The following SRGAP2C variants were observed in gnomAD, a reference collection of about 807,000 sequenced individuals.
SRGAP2C encodes SLIT-ROBO Rho GTPase-activating protein 2C.
In SRGAP2C, 15 loss-of-function variants were observed where a neutral mutation model predicts 25.1. That is an observed-to-expected ratio of 0.60 (90% CI 0.40 to 0.92). The LOEUF (loss-of-function observed/expected upper bound fraction) is 0.92. Ranked by LOEUF, SRGAP2C falls within the 40% of genes least tolerant of loss-of-function variation. The pLI, the probability that SRGAP2C is intolerant of heterozygous loss-of-function variation, is 0.00. For synonymous variants in SRGAP2C, 44 were observed against 96.6 expected, an observed-to-expected ratio of 0.46 and a Z score of 3.19; for missense variants, 144 against 264.4, an observed-to-expected ratio of 0.54 and a Z score of 3.16.
chr1:121,233,148 T>C (rs1309560932), intron 2 of SRGAP2C, among the ~76,000 whole-genome samples: 11 of 137,190 alleles, frequency 8.0e-5, no homozygotes, highest in African/African-American at 2.5e-4. Flanking sequence ...CTTGGTTCTT[T>C]TTTTTTTTTT....
chr1:121,321,061 A>G (rs1357206934), intron 3 of SRGAP2C, among the ~76,000 whole-genome samples: 2 of 151,226 alleles, frequency 1.3e-5, no homozygotes, highest in Non-Finnish European at 2.9e-5. Flanking sequence ...TATTCTAATT[A>G]ATAGCATATT....
intron 3 of SRGAP2C, among the ~76,000 whole-genome samples, chr1:121,308,897 C>A (rs1553339779): frequency 1.5e-5 from 2 of 132,740 alleles, no homozygotes; most frequent in Non-Finnish European, 3.2e-5. Flanking sequence ...CGAGATCGCA[C>A]CATTGCACTC....
intron 2 of SRGAP2C, among the ~76,000 whole-genome samples, chr1:121,191,887 G>A (rs1477508605): frequency 6.8e-6 from 1 of 146,076 alleles, no homozygotes; most frequent in African/African-American, 2.6e-5. Flanking sequence ...GAACATTAGG[G>A]GTCTTGTCTT....
At chr1:121,297,613 A>G (rs1468713961) in intron 3 of SRGAP2C, among the ~76,000 whole-genome samples, 1 of 151,424 alleles carries the variant, frequency 6.6e-6, no homozygotes, top group Non-Finnish European at 1.5e-5. Context: ...GATAATAATT[A>G]TCAGGAAAAG....
chr1:121,228,651 C>A (rs1281239678), intron 2 of SRGAP2C, among the ~76,000 whole-genome samples: 1 of 151,664 alleles, frequency 6.6e-6, no homozygotes, highest in Non-Finnish European at 1.5e-5. Context: ...CTACTTCATA[C>A]CTTGAACACC....
chr1:121,211,563 TTC>T (rs1655257889), intron 2 of SRGAP2C, among the ~76,000 whole-genome samples: 1 of 150,698 alleles, frequency 6.6e-6, no homozygotes, highest in African/African-American at 2.4e-5. Flanking sequence ...GAAAAAAGGT[TTC>T]TCTGCTTTTG....
At chr1:121,212,933 G>T (rs1457904427) in intron 2 of SRGAP2C, among the ~76,000 whole-genome samples, 1 of 140,924 alleles carries the variant, frequency 7.1e-6, no homozygotes, top group Non-Finnish European at 1.5e-5. Flanking sequence ...TCTGGGGGAA[G>T]TAAGCAGGTA....
At chr1:121,336,041 A>T (rs1416104858) in intron 4 of SRGAP2C, among the ~76,000 whole-genome samples, 3 of 151,438 alleles carry the variant, frequency 2.0e-5, no homozygotes, top group Admixed American at 1.3e-4. Flanking sequence ...CTTAGAAAAT[A>T]CTGTATACTT....
At chr1:121,335,296 G>A in intron 4 of SRGAP2C, among the ~76,000 whole-genome samples, 1 of 145,290 alleles carries the variant, frequency 6.9e-6, no homozygotes, top group Non-Finnish European at 1.5e-5. Context: ...AGCTGAGATT[G>A]TGCCACTGCA....
At chr1:121,331,985 T>A (rs1299849647) in intron 4 of SRGAP2C, among the ~76,000 whole-genome samples, 2 of 145,868 alleles carry the variant, frequency 1.4e-5, no homozygotes, top group African/African-American at 5.1e-5. Flanking sequence ...CTACATTATA[T>A]AACATTTTAA....
chr1:121,225,850 G>T (rs1287533381), intron 2 of SRGAP2C, among the ~76,000 whole-genome samples: 2 of 138,148 alleles, frequency 1.4e-5, no homozygotes, highest in South Asian at 2.4e-4. Context: ...GATTACAGGC[G>T]CCCGCCACCA....
chr1:121,239,250 A>ATATATATATAC (rs1656058501), intron 2 of SRGAP2C, among the ~76,000 whole-genome samples: 1 of 1,984 alleles, frequency 5.0e-4, no homozygotes, highest in Non-Finnish European at 6.9e-4. Flanking sequence ...TATATACTAT[A>ATATATATATAC]TATATATATA....
At position 121,263,425 on chromosome 1, in the gene SRGAP2C, C is replaced by T. The variant is rs1169441671; in HGVS notation, c.68-21378C>T. Among the ~76,000 whole-genome samples, 30 of 91,580 alleles carry T rather than the reference C, an allele frequency of 3.3e-4. 1 individual carries two copies. The highest frequency in any genetic ancestry group is 9.4e-4 in the Admixed American group (8 of 8,544). 60.1% of individuals were successfully genotyped at this position (91,580 alleles called of 152,430 possible). A position where few individuals can be genotyped will look rare whatever the true frequency, so the allele number is the denominator to read the frequency against. On this transcript the variant is annotated intron_variant, in intron 2 of 9. Transcript: ENST00000367123. ...CAGCCTGGGCGACAGAGTGAGACTC[C>T]GTCTCAAAAAAAAAAAAAAAAAAAA... is the stretch of plus-strand genomic sequence containing the variant.
chr1:121,331,696 G>A (rs1658437814), intron 4 of SRGAP2C, among the ~76,000 whole-genome samples: 2 of 142,132 alleles, frequency 1.4e-5, no homozygotes, highest in Admixed American at 1.4e-4. Context: ...ATCAACAGAT[G>A]AGTGGAAAAA....
At chr1:121,282,757 A>G (rs1657278143) in intron 2 of SRGAP2C, among the ~76,000 whole-genome samples, 1 of 143,786 alleles carries the variant, frequency 7.0e-6, no homozygotes, top group African/African-American at 2.6e-5. Flanking sequence ...ACAGGGTTTC[A>G]CCATGTTAGC....
chr1:121,339,346 GGTTCAAGT>G (rs1412822673), intron 4 of SRGAP2C, among the ~76,000 whole-genome samples: 2 of 150,662 alleles, frequency 1.3e-5, no homozygotes, highest in Non-Finnish European at 2.9e-5. Context: ...CCGCCTCCCG[GGTTCAAGT>G]GATTCTCGTG....
intron 4 of SRGAP2C, among the ~76,000 whole-genome samples, chr1:121,325,397 T>TCCCAACTA (rs1658299813): frequency 8.1e-6 from 1 of 123,656 alleles, no homozygotes; most frequent in African/African-American, 3.2e-5. Flanking sequence ...ACTAGCCTCT[T>TCCCAACTA]GAAAATCCAG....
At chr1:121,310,344 G>A (rs1553339915) in intron 3 of SRGAP2C, among the ~76,000 whole-genome samples, 6 of 117,794 alleles carry the variant, frequency 5.1e-5, no homozygotes, top group Non-Finnish European at 8.5e-5. Flanking sequence ...AGATGAGTAG[G>A]TTGCAAAAAT....
At chr1:121,296,529 G>A (rs1415738827) in intron 3 of SRGAP2C, among the ~76,000 whole-genome samples, 2 of 46,664 alleles carry the variant, frequency 4.3e-5, no homozygotes, top group African/African-American at 1.8e-4. Flanking sequence ...AGAATATCAA[G>A]GAGGTAGACA....
Sources: gnomAD v4.1 joint callset for allele counts (sites outside exome capture counted in the v4.1 genomes callset) on GRCh38, gnomAD v4.1.1 for gene constraint, MANE v1.5 for transcripts, NCBI Gene and HGNC (gene_info 2026-07-23, HGNC 2026-07-21) for gene names.